The following ELP4 variants were observed in gnomAD, a reference collection of about 807,000 sequenced individuals.
ELP4 encodes elongator complex protein 4.
Under a neutral mutation model 48.9 loss-of-function variants are expected in ELP4, and 51 were observed. The ratio of observed to expected loss-of-function variants is 1.04; its 90% CI spans 0.83 to 1.32. The LOEUF (loss-of-function observed/expected upper bound fraction) is 1.32, where lower values mean the gene tolerates loss of function less well. ELP4 is among the 40% of genes most tolerant of loss of function. The pLI, the probability that ELP4 is intolerant of heterozygous loss-of-function variation, is 0.00. For synonymous variants in ELP4, 210 were observed against 189.2 expected, an observed-to-expected ratio of 1.11 and a Z score of -0.90; for missense variants, 519 against 514.6, an observed-to-expected ratio of 1.01 and a Z score of -0.08.
At chr11:31,630,494 A>C (rs1944840047) in intron 6 of ELP4, among the ~76,000 whole-genome samples, 1 of 151,700 alleles carries the variant, frequency 6.6e-6, no homozygotes, top group Non-Finnish European at 1.5e-5. Flanking sequence ...ACACCCAGCT[A>C]ATGTTTGTAT....
intron 9 of ELP4, among the ~76,000 whole-genome samples, chr11:31,672,273 C>G (rs554530206): frequency 2.8e-4 from 42 of 152,246 alleles, no homozygotes; most frequent in Admixed American, 6.5e-4. Flanking sequence ...AATGTCTTCT[C>G]TGTTGCAGAA....
chr11:31,696,061 C>A (rs887851496), intron 9 of ELP4, among the ~76,000 whole-genome samples: 9 of 151,630 alleles, frequency 5.9e-5, no homozygotes, highest in African/African-American at 2.2e-4. Context: ...TCTCTCTTTT[C>A]TTCTTTATTA....
At chr11:31,722,908 C>A (rs79213597) in intron 9 of ELP4, among the ~76,000 whole-genome samples, 1 of 152,182 alleles carries the variant, frequency 6.6e-6, no homozygotes, top group Non-Finnish European at 1.5e-5. Flanking sequence ...ACTGAGCTGA[C>A]GGGCTGTGGT....
chr11:31,709,313 G>T (rs921976518), intron 9 of ELP4, among the ~76,000 whole-genome samples: 2 of 152,020 alleles, frequency 1.3e-5, no homozygotes, highest in African/African-American at 4.8e-5. Flanking sequence ...TCAATCCAAG[G>T]GTCTGTGTTT....
At chr11:31,707,086 G>A (rs1306402690) in intron 9 of ELP4, 2 of 397,808 alleles carry the variant, frequency 5.0e-6, no homozygotes, top group Non-Finnish European at 8.9e-6. Context: ...CTTTCCTTTG[G>A]AGAAATTCCC....
At chr11:31,545,769 G>T (rs547085057) in intron 3 of ELP4, among the ~76,000 whole-genome samples, 302 of 152,214 alleles carry the variant, frequency 2.0e-3, no homozygotes, top group African/African-American at 6.9e-3. Context: ...AAGCCCATCA[G>T]AGTAACAGCG....
intron 9 of ELP4, among the ~76,000 whole-genome samples, chr11:31,776,940 A>AGC (rs1948260071): frequency 6.6e-6 from 1 of 152,186 alleles, no homozygotes; most frequent in South Asian, 2.1e-4. Flanking sequence ...CTGCTACCAA[A>AGC]TGTACACTTG....
At chr11:31,769,775 A>G (rs555984010) in intron 9 of ELP4, among the ~76,000 whole-genome samples, 100 of 152,348 alleles carry the variant, frequency 6.6e-4, no homozygotes, top group Middle Eastern at 3.4e-3. Flanking sequence ...AGTAGTTTCC[A>G]TATAATATAC....
intron 9 of ELP4, chr11:31,650,696 A>C (rs547520197): frequency 3.3e-5 from 5 of 152,090 alleles, no homozygotes; most frequent in African/African-American, 7.2e-5. Flanking sequence ...TAGTGTCTTT[A>C]AGTACATTTT....
chr11:31,765,918 A>G (rs1948030719), intron 9 of ELP4, among the ~76,000 whole-genome samples: 2 of 152,078 alleles, frequency 1.3e-5, no homozygotes, highest in African/African-American at 2.4e-5. Flanking sequence ...CTCATTTCCA[A>G]GAGAATTAAC....
intron 9 of ELP4, among the ~76,000 whole-genome samples, chr11:31,665,424 A>G (rs1383055991): frequency 6.6e-6 from 1 of 152,116 alleles, no homozygotes; most frequent in African/African-American, 2.4e-5. Context: ...TAACACAAAT[A>G]TGTTTGGTAA....
chr11:31,765,249 C>CA (rs1013393778), intron 9 of ELP4, among the ~76,000 whole-genome samples: 3 of 150,950 alleles, frequency 2.0e-5, no homozygotes, highest in African/African-American at 7.3e-5. Flanking sequence ...AGTTTTTTAA[C>CA]AAAAAAAAAT....
In ELP4 at chr11:31,783,497, C is replaced by T. The variant is rs61736888; in HGVS notation, c.1248C>T (p.Ala416=). The change falls in exon 10 of 10, where the codon GCC becomes GCT. Residue 416 remains alanine, a synonymous_variant. Coordinates refer to ENST00000640961, the MANE Select transcript of ELP4 (RefSeq NM_019040.5). ...TGGGCCCAGGCTGTGGCATGATGGCCGGAGGCAAGAAGCACCTGGACTTCT... is the reference window on the plus strand; with the variant it reads ...TGGGCCCAGGCTGTGGCATGATGGCTGGAGGCAAGAAGCACCTGGACTTCT... ...KRLGPGCGMM[A]GGKKHLDF is the part of the protein sequence containing the mutation. 5,786 of 1,614,000 alleles carry T rather than the reference C, an allele frequency of 3.6e-3. 177 individuals are homozygous for T. In the African/African-American group the frequency reaches 0.065, roughly 18 times the overall value.
At chr11:31,672,199 T>C (rs1356431883) in intron 9 of ELP4, among the ~76,000 whole-genome samples, 3 of 152,164 alleles carry the variant, frequency 2.0e-5, no homozygotes, top group South Asian at 4.1e-4. Context: ...TTTTAAGTGA[T>C]TTATGACAAT....
intron 9 of ELP4, among the ~76,000 whole-genome samples, chr11:31,711,195 A>G (rs1378001917): frequency 3.3e-5 from 5 of 152,226 alleles, no homozygotes; most frequent in Non-Finnish European, 7.3e-5. Context: ...TGAAAATGCA[A>G]ACAGGTTCCA....
At chr11:31,775,441 G>C (rs933088451) in intron 9 of ELP4, among the ~76,000 whole-genome samples, 63 of 152,278 alleles carry the variant, frequency 4.1e-4, no homozygotes, top group African/African-American at 1.4e-3. Flanking sequence ...AGACAACACA[G>C]TCGACCCTTG....
At chr11:31,552,971 T>C (rs1956876030) in intron 3 of ELP4, among the ~76,000 whole-genome samples, 1 of 152,146 alleles carries the variant, frequency 6.6e-6, no homozygotes, top group East Asian at 1.9e-4. Context: ...CTAAGAACTT[T>C]TTTGCTTCTC....
At chr11:31,584,724 C>G (rs974434491) in intron 3 of ELP4, among the ~76,000 whole-genome samples, 3 of 151,998 alleles carry the variant, frequency 2.0e-5, no homozygotes, top group Admixed American at 6.6e-5. Context: ...GGGGTTTCGC[C>G]GTGTTGGGCA....
intron 9 of ELP4, among the ~76,000 whole-genome samples, chr11:31,748,345 C>T (rs1247343143): frequency 2.0e-5 from 3 of 151,488 alleles, no homozygotes; most frequent in African/African-American, 4.8e-5. Flanking sequence ...CTCAGGTTCA[C>T]GCTATTTTCC....
Sources: allele counts gnomAD v4.1 joint callset (sites outside exome capture counted in the v4.1 genomes callset), GRCh38; gene constraint gnomAD v4.1.1; transcripts MANE v1.5; gene names NCBI Gene and HGNC (gene_info 2026-07-23, HGNC 2026-07-21).